Variants in PTPRN2 observed in about 807,000 individuals in gnomAD.
PTPRN2 encodes the protein receptor-type tyrosine-protein phosphatase N2.
A neutral mutation model predicts 118.8 loss-of-function variants in PTPRN2; 74 were observed. The observed-to-expected ratio is 0.62, with a 90% CI of 0.52 to 0.76. The LOEUF (loss-of-function observed/expected upper bound fraction) is 0.76, where lower values mean the gene tolerates loss of function less well. PTPRN2 is among the 30% of genes least tolerant of loss of function. PTPRN2 has a pLI of 0.00. For synonymous variants in PTPRN2, 641 were observed against 608.0 expected (o/e 1.05, Z -0.80); for missense variants, 1,481 against 1,394.4 (o/e 1.06, Z -0.99).
At chr7:157,833,862 C>A (rs950156476) in intron 12 of PTPRN2, among the ~76,000 whole-genome samples, 7 of 152,236 alleles carry the variant, frequency 4.6e-5, no homozygotes, top group African/African-American at 1.7e-4. Context: ...TTGTGGCTTT[C>A]TGAGTCGAAT....
intron 3 of PTPRN2, among the ~76,000 whole-genome samples, chr7:158,289,539 T>C (rs907167070): frequency 6.6e-6 from 1 of 152,268 alleles, no homozygotes; most frequent in South Asian, 2.1e-4. Flanking sequence ...GTGGAATTTC[T>C]AATTGCAGTC....
chr7:157,738,524 C>T (rs374656316), intron 12 of PTPRN2, among the ~76,000 whole-genome samples: 147 of 152,304 alleles, frequency 9.7e-4, no homozygotes, highest in African/African-American at 3.2e-3. Context: ...GTGCTGGTCC[C>T]GGGTTGTTTG....
chr7:158,053,904 AC>A (rs2128899186), intron 11 of PTPRN2, among the ~76,000 whole-genome samples: 1 of 150,216 alleles, frequency 6.7e-6, no homozygotes, highest in South Asian at 2.1e-4. Context: ...AGATGCAGAG[AC>A]CCCAGAGATG....
At chr7:158,074,675 G>A (rs2128924802) in intron 11 of PTPRN2, among the ~76,000 whole-genome samples, 1 of 152,226 alleles carries the variant, frequency 6.6e-6, no homozygotes, top group Non-Finnish European at 1.5e-5. Flanking sequence ...CCTGATCAGG[G>A]TATGAATTCT....
intron 6 of PTPRN2, among the ~76,000 whole-genome samples, chr7:158,159,729 G>A (rs1018539529): frequency 7.2e-5 from 11 of 152,136 alleles, no homozygotes; most frequent in Admixed American, 2.0e-4. Context: ...AAACGCTTTC[G>A]CTGTCATCAG....
At chr7:157,697,759 G>T in intron 12 of PTPRN2, among the ~76,000 whole-genome samples, 1 of 142,678 alleles carries the variant, frequency 7.0e-6, no homozygotes, top group Non-Finnish European at 1.5e-5. Flanking sequence ...GTCTACCCAT[G>T]CATACTGGAT....
intron 11 of PTPRN2, among the ~76,000 whole-genome samples, chr7:157,984,144 C>T (rs1803532313): frequency 6.6e-6 from 1 of 152,068 alleles, no homozygotes; most frequent in Admixed American, 6.5e-5. Context: ...CTCATATTTT[C>T]TCATCATTCT....
At chr7:158,155,703 TCACCGTCAACA>T in intron 6 of PTPRN2, among the ~76,000 whole-genome samples, 1 of 135,970 alleles carries the variant, frequency 7.4e-6, no homozygotes, top group South Asian at 2.5e-4. Context: ...AGCACTATCA[TCACCGTCAACA>T]CCATCATCAC....
chr7:158,182,142 A>G (rs534512369), intron 5 of PTPRN2, among the ~76,000 whole-genome samples: 10 of 152,188 alleles, frequency 6.6e-5, no homozygotes, highest in Non-Finnish European at 1.5e-4. Context: ...AGAATTTGTA[A>G]ACTTCCATCT....
rs1805286560 is a variant in PTPRN2 at position 157,801,328 on chromosome 7, C to T, written c.1788+97345G>A. Among the ~76,000 whole-genome samples the T allele has an allele frequency of 6.6e-6, 1 of 152,184 alleles. No homozygotes were observed. The highest frequency in any genetic ancestry group is 1.9e-4 in the East Asian group (1 of 5,192). On this transcript the variant is annotated intron_variant, in intron 12 of 22. Transcript: ENST00000389418. The surrounding 1 kb of genome is among the most constrained non-coding windows in gnomAD (Gnocchi z 4.2). ...AGCAACGGCGGTGAGGCAGGATGAA[C>T]GGCCTCATCCACGGAGCACTGCTTT...
At chr7:158,393,564 G>A (rs751176742) in intron 2 of PTPRN2, among the ~76,000 whole-genome samples, 25 of 152,138 alleles carry the variant, frequency 1.6e-4, no homozygotes, top group Non-Finnish European at 3.1e-4. Context: ...GCTGCAGACC[G>A]GCCTCAGCTC....
chr7:157,910,154 C>T (rs1047883669), intron 11 of PTPRN2, among the ~76,000 whole-genome samples: 1 of 152,278 alleles, frequency 6.6e-6, no homozygotes, highest in Non-Finnish European at 1.5e-5. Flanking sequence ...CGGCTGCCAG[C>T]CATGAGCACG....
intron 2 of PTPRN2, among the ~76,000 whole-genome samples, chr7:158,373,920 C>T (rs1810293943): frequency 6.6e-6 from 1 of 152,190 alleles, no homozygotes; most frequent in South Asian, 2.1e-4. Flanking sequence ...TCTGTCTCTG[C>T]CTACCTGGTG....
intron 1 of PTPRN2, among the ~76,000 whole-genome samples, chr7:158,530,538 A>G (rs1441884070): frequency 6.6e-6 from 1 of 152,184 alleles, no homozygotes; most frequent in East Asian, 1.9e-4. Flanking sequence ...CACATAGAGC[A>G]AGGCGGGGGG....
intron 11 of PTPRN2, among the ~76,000 whole-genome samples, chr7:157,982,979 C>T (rs1419132769): frequency 1.6e-3 from 46 of 29,228 alleles, no homozygotes; most frequent in South Asian, 6.8e-3. Context: ...AGTGCAGGGT[C>T]CCCCCCAAAC....
At position 157,893,822 on chromosome 7, in the gene PTPRN2, AG is replaced by A. The variant is rs924265127; in HGVS notation, c.1788+4850del. On this transcript the variant is annotated intron_variant, in intron 12 of 22. Coordinates refer to ENST00000389418, the MANE Select transcript of PTPRN2 (RefSeq NM_002847.5). This position sits in a 1 kb window ranked among gnomAD's most constrained non-coding sequence, Gnocchi z 4.0. The stretch of plus-strand genomic sequence containing the variant: ...CCCACAGGAGACAGCACCGGCAGAA[AG>A]GAGGAGGGAGCCAGGCCCTGGAGAG... Among the ~76,000 whole-genome samples, 6 of 152,216 alleles carry A rather than the reference AG, an allele frequency of 3.9e-5. No individual in the cohort carries two copies. The highest frequency in any genetic ancestry group is 1.4e-4 in the African/African-American group (6 of 41,458).
At chr7:158,132,686 CAT>C (rs1211454885) in intron 9 of PTPRN2, among the ~76,000 whole-genome samples, 2 of 152,150 alleles carry the variant, frequency 1.3e-5, no homozygotes, top group Non-Finnish European at 2.9e-5. Flanking sequence ...GATACACACA[CAT>C]CTACCCAACA....
At chr7:158,269,705 T>A (rs184003108) in intron 3 of PTPRN2, among the ~76,000 whole-genome samples, 2 of 151,868 alleles carry the variant, frequency 1.3e-5, no homozygotes, top group Non-Finnish European at 2.9e-5. Flanking sequence ...CAAAGTCAGC[T>A]GACGGCTGGG....
chr7:158,098,916 G>C (rs1470732560), intron 10 of PTPRN2, among the ~76,000 whole-genome samples: 2 of 151,842 alleles, frequency 1.3e-5, no homozygotes, highest in Non-Finnish European at 2.9e-5. Context: ...CTGGGTCCTT[G>C]AGGGGAGCCG....
Sources: gnomAD v4.1 joint callset for allele counts (sites outside exome capture counted in the v4.1 genomes callset) on GRCh38, gnomAD v4.1.1 for gene constraint, Gnocchi (gnomAD v3.1) non-coding constraint, MANE v1.5 for transcripts, NCBI Gene and HGNC (gene_info 2026-07-23, HGNC 2026-07-21) for gene names.